NRG3: variants seen among roughly 807,000 people sequenced by gnomAD.
The protein encoded by NRG3 is pro-neuregulin-3, membrane-bound isoform.
Under a neutral mutation model 66.9 loss-of-function variants are expected in NRG3, and 31 were observed. The ratio of observed to expected loss-of-function variants is 0.46; its 90% CI spans 0.35 to 0.63. The LOEUF is 0.63. NRG3 is among the 20% of genes least tolerant of loss of function. The pLI is 0.00. For synonymous variants in NRG3, 393 were observed against 359.4 expected (o/e 1.09, Z -1.06); for missense variants, 910 against 878.9 (o/e 1.04, Z -0.45).
chr10:82,877,535 G>A (rs946980509), intron 4 of NRG3, among the ~76,000 whole-genome samples: 1 of 128,856 alleles, frequency 7.8e-6, no homozygotes, highest in Non-Finnish European at 1.6e-5. Flanking sequence ...CACCACACCC[G>A]GCTTTTTTTT....
At chr10:82,202,780 C>T (rs1005802300) in intron 1 of NRG3, among the ~76,000 whole-genome samples, 4 of 152,018 alleles carry the variant, frequency 2.6e-5, no homozygotes, top group Non-Finnish European at 4.4e-5. Flanking sequence ...TTACCAAAGT[C>T]CCCCGAAAGA....
At chr10:82,449,626 T>G (rs1476804941) in intron 2 of NRG3, among the ~76,000 whole-genome samples, 3 of 152,172 alleles carry the variant, frequency 2.0e-5, no homozygotes, top group Admixed American at 1.3e-4. Context: ...TCTACTAAGA[T>G]GAACTTAAAT....
intron 1 of NRG3, among the ~76,000 whole-genome samples, chr10:82,007,694 A>G (rs2061425037): frequency 6.6e-6 from 1 of 152,058 alleles, no homozygotes; most frequent in South Asian, 2.1e-4. Flanking sequence ...TCTACATTTT[A>G]TTTTTGTGCT....
chr10:82,064,433 C>T (rs7916949), intron 1 of NRG3, among the ~76,000 whole-genome samples: 5,106 of 151,898 alleles, frequency 0.034, 280 homozygotes, highest in African/African-American at 0.12. Context: ...ATTGAATACA[C>T]ATTTTAAATA....
At chr10:82,213,267 A>T (rs560849289) in intron 1 of NRG3, among the ~76,000 whole-genome samples, 1 of 152,332 alleles carries the variant, frequency 6.6e-6, no homozygotes, top group African/African-American at 2.4e-5. Flanking sequence ...GAACATCTGT[A>T]ATCTGAAAAT....
intron 2 of NRG3, among the ~76,000 whole-genome samples, chr10:82,391,710 C>T (rs954362170): frequency 6.6e-5 from 10 of 152,070 alleles, no homozygotes; most frequent in African/African-American, 2.2e-4. Context: ...GTCCACTCAC[C>T]AATCCATATT....
At chr10:82,193,572 C>T (rs956326261) in intron 1 of NRG3, among the ~76,000 whole-genome samples, 1 of 152,066 alleles carries the variant, frequency 6.6e-6, no homozygotes, top group Non-Finnish European at 1.5e-5. Flanking sequence ...GGTTGCTAGA[C>T]CTAGGATAGT....
intron 1 of NRG3, among the ~76,000 whole-genome samples, chr10:82,130,899 T>C (rs765334474): frequency 1.3e-5 from 2 of 152,224 alleles, no homozygotes; most frequent in African/African-American, 4.8e-5. Context: ...CTGGACTTTT[T>C]TCCTATGGAG....
chr10:82,775,139 C>A (rs185430063), intron 3 of NRG3, among the ~76,000 whole-genome samples: 2 of 151,224 alleles, frequency 1.3e-5, no homozygotes, highest in Admixed American at 6.6e-5. Context: ...TATTTCATTT[C>A]TTCTGATAAA....
At chr10:82,440,577 C>T (rs950063177) in intron 2 of NRG3, among the ~76,000 whole-genome samples, 1 of 150,822 alleles carries the variant, frequency 6.6e-6, no homozygotes, top group Non-Finnish European at 1.5e-5. Flanking sequence ...TGGCTAATAT[C>T]TTATCTGTAA....
At chr10:82,259,789 A>G (rs540183748) in intron 1 of NRG3, among the ~76,000 whole-genome samples, 1 of 152,222 alleles carries the variant, frequency 6.6e-6, no homozygotes, top group African/African-American at 2.4e-5. Context: ...AATATTATCC[A>G]GGCATGGTGC....
intron 2 of NRG3, among the ~76,000 whole-genome samples, chr10:82,719,329 A>G (rs754771866): frequency 6.6e-6 from 1 of 152,208 alleles, no homozygotes; most frequent in Non-Finnish European, 1.5e-5. Context: ...TTTTGCTGTT[A>G]GTGTTACAAA....
chr10:82,599,158 A>T (rs2047464330), intron 2 of NRG3, among the ~76,000 whole-genome samples: 1 of 152,232 alleles, frequency 6.6e-6, no homozygotes, highest in Non-Finnish European at 1.5e-5. Context: ...TCTGAGAATA[A>T]TTGAGAACTA....
chr10:82,774,071 A>C (rs1232413534), intron 3 of NRG3, among the ~76,000 whole-genome samples: 1 of 152,108 alleles, frequency 6.6e-6, no homozygotes, highest in East Asian at 1.9e-4. Context: ...ATCATGTATA[A>C]TTTTTTTGAC....
chr10:82,148,941 A>G (rs186501563), intron 1 of NRG3, among the ~76,000 whole-genome samples: 19 of 152,168 alleles, frequency 1.2e-4, no homozygotes, highest in Non-Finnish European at 2.4e-4. Context: ...TAAATGAGTG[A>G]ACCACCACAG....
intron 1 of NRG3, among the ~76,000 whole-genome samples, chr10:82,139,029 A>G (rs2069578534): frequency 6.6e-6 from 1 of 152,126 alleles, no homozygotes; most frequent in South Asian, 2.1e-4. Context: ...CTTTCAATCC[A>G]ATCAAGTTGA....
chr10:82,105,889 C>T (rs1025604216), intron 1 of NRG3, among the ~76,000 whole-genome samples: 1 of 152,074 alleles, frequency 6.6e-6, no homozygotes, highest in Non-Finnish European at 1.5e-5. Flanking sequence ...ATCCAAGACA[C>T]ACTGCTCGGT....
chr10:82,772,629 G>T (rs1297116407), intron 3 of NRG3, among the ~76,000 whole-genome samples: 7 of 151,156 alleles, frequency 4.6e-5, no homozygotes, highest in African/African-American at 1.7e-4. Flanking sequence ...GGTCTTCTGG[G>T]GTCATCCATG....
intron 4 of NRG3, among the ~76,000 whole-genome samples, chr10:82,901,961 G>A (rs2483304): frequency 0.043 from 6,553 of 151,980 alleles, 207 homozygotes; most frequent in East Asian, 0.087. Flanking sequence ...TAGCTTTTTC[G>A]TTTCATTTTA....
Sources: allele counts gnomAD v4.1 joint callset (sites outside exome capture counted in the v4.1 genomes callset), GRCh38; gene constraint gnomAD v4.1.1; transcripts MANE v1.5; gene names NCBI Gene and HGNC (gene_info 2026-07-23, HGNC 2026-07-21).